Variants in CTSA observed in about 807,000 individuals in gnomAD.
CTSA encodes lysosomal protective protein.
In CTSA, 42 loss-of-function variants were observed where a neutral mutation model predicts 66.7. That is an observed-to-expected ratio of 0.63 (90% CI 0.49 to 0.81). The LOEUF is 0.81. Among genes scored for constraint, CTSA ranks in the 40% least tolerant of loss-of-function variants. The pLI is 0.00. For synonymous variants in CTSA, 225 were observed against 248.6 expected, an observed-to-expected ratio of 0.91 and a Z score of 0.89; for missense variants, 525 against 610.9, an observed-to-expected ratio of 0.86 and a Z score of 1.48.
In CTSA at chr20:45,891,653, G is replaced by T. The variant is rs376350093; in HGVS notation, c.85G>T (p.Ala29Ser). 18 of 1,612,364 alleles carry T rather than the reference G, an allele frequency of 1.1e-5. No individual in the cohort carries two copies. The highest frequency in any genetic ancestry group is 1.4e-5 in the Non-Finnish European group (17 of 1,179,878). ...LVSWASRGEA[A>S]PDQDEIQRLP... ...GTCCTGGGCGTCCCGAGGCGAGGCA[G>T]CCCCCGACCAGGACGAGATCCAGCG... The change falls in exon 2 of 15, where the codon GCC becomes TCC. Residue 29 changes from alanine (A) to serine (S), a missense_variant. Ala to Ser is a moderately conservative substitution (Grantham distance 99). Transcript: ENST00000646241. This position sits in a 1 kb window ranked among gnomAD's most constrained non-coding sequence, Gnocchi z 4.6.
At position 45,895,150 on chromosome 20, in the gene CTSA, A is replaced by G; in HGVS notation, c.1088+17A>G. On this transcript the variant is annotated intron_variant, in intron 11 of 14. Transcript: ENST00000646241. ...CATGTGCAAGTGAGGTTCCGTGGCC[A>G]CCTGTGACTTGGGGTGGTGGGTTGC... 6.2e-7 allele frequency: 1 copy of G among 1,613,976 alleles called. No individual in the cohort carries two copies. The highest frequency in any genetic ancestry group is 1.3e-5 in the African/African-American group (1 of 74,988).
chr20:45,894,801 A>G lies in CTSA; in HGVS notation c.870-22A>G, dbSNP rs879646037. The stretch of plus-strand genomic sequence containing the variant: ...AGCCCCATCTGGAGGCTCCACACCC[A>G]TTCCCCCACCTCACATTGCAGGTAT... On this transcript the variant is annotated intron_variant, in intron 9 of 14. Transcript: ENST00000646241. The G allele has an allele frequency of 6.2e-5, 98 of 1,575,832 alleles. 1 individual carries two copies. Among genetic ancestry groups the G allele is most frequent in the Non-Finnish European group, 8.1e-5 (94 of 1,157,716 alleles).
rs1987132542 is a variant in CTSA at position 45,894,485 on chromosome 20, A to ACTCC, written c.778-164_778-163insTCCC. 3.3e-5 allele frequency among the ~76,000 whole-genome samples: 5 copies of ACTCC among 152,298 alleles called. No homozygotes were observed. The South Asian group carries it at 1.0e-3, about 32-fold the overall frequency. On this transcript the variant is annotated intron_variant, in intron 8 of 14. Coordinates refer to ENST00000646241, the MANE Select transcript of CTSA (RefSeq NM_000308.4). ...GGGAGGCAGTGATGCTAGGATTTGG[A>ACTCC]CCCAGGTCTGGGAAGATTCCTGCCA...
chr20:45,894,591 G>C, intron 8 of CTSA, 59 bp from the exon 9 acceptor site: 1 of 1,443,174 alleles, frequency 6.9e-7, no homozygotes, highest in Non-Finnish European at 9.8e-7. Flanking sequence ...GGACAACTTG[G>C]TGGGGTCGTG....
chr20:45,891,404 G>T lies in CTSA; in HGVS notation c.-1+25G>T. On this transcript the variant is annotated intron_variant, in intron 1 of 14. Transcript: ENST00000646241. The surrounding 1 kb of genome is among the most constrained non-coding windows in gnomAD (Gnocchi z 4.6). ...GGTGAGCTGGCACCGGAGGCTGGAGGGGATCCCCGAGCCCGGGATCGGTGC... is the reference window on the plus strand; with the variant it reads ...GGTGAGCTGGCACCGGAGGCTGGAGTGGATCCCCGAGCCCGGGATCGGTGC... 6.4e-7 allele frequency: 1 copy of T among 1,562,086 alleles called. No individual in the cohort carries two copies. The highest frequency in any genetic ancestry group is 8.7e-7 in the Non-Finnish European group (1 of 1,154,032).
At chr20:45,893,064 C>T in intron 6 of CTSA, 156 bp from the exon 7 acceptor site, 1 of 934,600 alleles carries the variant, frequency 1.1e-6, no homozygotes, top group Non-Finnish European at 1.7e-6. Flanking sequence ...AGGCTGCCAG[C>T]TCTGTGTTTT....
chr20:45,898,458 A>G lies in CTSA; in HGVS notation c.*8A>G. 6.2e-7 allele frequency: 1 copy of G among 1,613,320 alleles called. No individual in the cohort carries two copies. Among genetic ancestry groups the G allele is most frequent in the South Asian group, 1.1e-5 (1 of 91,040 alleles). On this transcript the variant is annotated 3_prime_UTR_variant, in exon 15 of 15. Transcript: ENST00000646241. This position sits in a 1 kb window ranked among gnomAD's most constrained non-coding sequence, Gnocchi z 4.6. ...AACAAGCAGCCATACTGATGACCACAGCAACCAGCTCCACGGCCTGATGCA... is the reference window on the plus strand; with the variant it reads ...AACAAGCAGCCATACTGATGACCACGGCAACCAGCTCCACGGCCTGATGCA...
chr20:45,894,638 G>C lies in CTSA; in HGVS notation c.778-12G>C, dbSNP rs765764906. 6.2e-7 allele frequency: 1 copy of C among 1,612,136 alleles called. No individual in the cohort carries two copies. The highest frequency in any genetic ancestry group is 1.7e-5 in the Admixed American group (1 of 60,012). ...GATCTGTAAAGCATGGTGGCTTGGT[G>C]TATCATTGCAGCTTCAGGAAGTGGC... is the stretch of plus-strand genomic sequence containing the variant. On this transcript the variant is annotated splice_polypyrimidine_tract_variant and intron_variant, in intron 8 of 14. Coordinates refer to ENST00000646241, the MANE Select transcript of CTSA (RefSeq NM_000308.4).
chr20:45,898,425 G>C lies in CTSA; in HGVS notation c.1418G>C (p.Arg473Pro). The change falls in exon 15 of 15, where the codon CGC becomes CCC. Residue 473 changes from arginine (R) to proline (P), a missense_variant. Around this residue, in one of 3 missense-constraint regions of CTSA, gnomAD observed 274 missense variants for 321.1 expected, o/e 0.85. Coordinates refer to ENST00000646241, the MANE Select transcript of CTSA (RefSeq NM_000308.4). This position sits in a 1 kb window ranked among gnomAD's most constrained non-coding sequence, Gnocchi z 4.6. Reference protein sequence around the residue: ...KPLAAFTMFSRFLNKQPY With the variant: ...KPLAAFTMFSPFLNKQPY ...CTCGCTGCCTTCACCATGTTCTCCC[G>C]CTTCCTGAACAAGCAGCCATACTGA... 1.2e-6 allele frequency: 2 copies of C among 1,613,818 alleles called. No individual in the cohort carries two copies. The highest frequency in any genetic ancestry group is 1.7e-5 in the Admixed American group (1 of 59,978).
chr20:45,898,543 C>G lies in CTSA; in HGVS notation c.*93C>G. On this transcript the variant is annotated 3_prime_UTR_variant, in exon 15 of 15. Coordinates refer to ENST00000646241, the MANE Select transcript of CTSA (RefSeq NM_000308.4). The surrounding 1 kb of genome is among the most constrained non-coding windows in gnomAD (Gnocchi z 4.6). ...TTCTAAGCAAAGTGCCCCTGCAGGC[C>G]GGGTTCTGCCGCCAGGACTGCCCCC... 1.6e-6 allele frequency: 2 copies of G among 1,239,508 alleles called. No homozygotes were observed. Among genetic ancestry groups the G allele is most frequent in the Non-Finnish European group, 2.3e-6 (2 of 867,672 alleles). 76.8% of individuals were successfully genotyped at this position (1,239,508 alleles called of 1,614,324 possible).
At position 45,896,758 on chromosome 20, in the gene CTSA, T is replaced by C. The variant is rs2083111450; in HGVS notation, c.1089-207T>C. 4.9e-6 allele frequency: 3 copies of C among 609,464 alleles called. No individual in the cohort carries two copies. In the East Asian group the frequency reaches 8.8e-5, roughly 18 times the overall value. 37.8% of individuals were successfully genotyped at this position (609,464 alleles called of 1,614,324 possible). On this transcript the variant is annotated intron_variant, in intron 11 of 14. Transcript: ENST00000646241. ...AGCATCCCTGTACCTTTCTAAATGG[T>C]GGTGAGTTGAGGCTGTCTGAATCCC...
rs769812697 is a variant in CTSA at position 45,892,794 on chromosome 20, CTT to C, written c.517_518del (p.Phe173ProfsTer39). 6 of 1,614,096 alleles carry C rather than the reference CTT, an allele frequency of 3.7e-6. No individual in the cohort carries two copies. The highest frequency in any genetic ancestry group is 5.1e-6 in the Non-Finnish European group (6 of 1,180,044). On this transcript the variant is annotated frameshift_variant, in exon 6 of 15. Transcript: ENST00000646241. LOFTEE classifies it high-confidence loss of function. Reference protein sequence around the residue: ...RLFPEYKNNKLFLTGESYAGI... With the variant: ...RLFPEYKNNKXFLTGESYAGI... ...CTTTCCGGAGTACAAGAACAACAAA[CTT>C]TTCCTGACCGGGGAGAGCTATGCTG...
Position 45,898,785 on chromosome 20 carries a change from G to T in CTSA, c.*335G>T. On this transcript the variant is annotated 3_prime_UTR_variant, in exon 15 of 15. Coordinates refer to ENST00000646241, the MANE Select transcript of CTSA (RefSeq NM_000308.4). The surrounding 1 kb of genome is among the most constrained non-coding windows in gnomAD (Gnocchi z 4.6). ...GGTGGTGGACGGACTGTAATTGATA[G>T]ATTGATTATGGAATTAAATTGGGTA... is the stretch of plus-strand genomic sequence containing the variant. 1.1e-6 allele frequency: 1 copy of T among 885,804 alleles called. No individual in the cohort carries two copies. Among genetic ancestry groups the T allele is most frequent in the Non-Finnish European group, 1.7e-6 (1 of 586,058 alleles). 54.9% of individuals were successfully genotyped at this position (885,804 alleles called of 1,614,324 possible).
chr20:45,891,697 G>A lies in CTSA; in HGVS notation c.129G>A (p.Lys43=). 1 of 1,613,316 alleles carries A rather than the reference G, an allele frequency of 6.2e-7. No homozygotes were observed. Among genetic ancestry groups the A allele is most frequent in the Non-Finnish European group, 8.5e-7 (1 of 1,180,024 alleles). Residue 43 remains lysine, a synonymous_variant, in exon 2 of 15, where the codon AAG becomes AAA. Coordinates refer to ENST00000646241, the MANE Select transcript of CTSA (RefSeq NM_000308.4). This position sits in a 1 kb window ranked among gnomAD's most constrained non-coding sequence, Gnocchi z 4.6. The part of the protein sequence containing the change: ...DEIQRLPGLA[K]QPSFRQYSGY... ...TCCAGCGCCTCCCCGGGCTGGCCAAGCAGCCGTCTTTCCGCCAGTACTCCG... is the reference window on the plus strand; with the variant it reads ...TCCAGCGCCTCCCCGGGCTGGCCAAACAGCCGTCTTTCCGCCAGTACTCCG...
rs1003422166 is a variant in CTSA, at chr20:45,894,266, A to ACCT, written c.777+197_777+199dup. ...ACCTCCTATGGTGGCAAATCCCATAACCTCCGTGAGGAGAAAGGACTTCTT... is the reference window on the plus strand; with the variant it reads ...ACCTCCTATGGTGGCAAATCCCATAACCTCCTCCGTGAGGAGAAAGGACTTCTT... On this transcript the variant is annotated intron_variant, in intron 8 of 14. Coordinates refer to ENST00000646241, the MANE Select transcript of CTSA (RefSeq NM_000308.4). 21 of 659,930 alleles carry ACCT rather than the reference A, an allele frequency of 3.2e-5. No individual in the cohort carries two copies. The African/African-American group carries it at 3.8e-4, about 12-fold the overall frequency. The allele number at this position is 659,930 out of a possible 1,614,324, so 40.9% of individuals were successfully genotyped here.
In CTSA at chr20:45,891,653, G is replaced by GC; in HGVS notation, c.90dup (p.Asp31ArgfsTer109). On this transcript the variant is annotated frameshift_variant, in exon 2 of 15. Coordinates refer to ENST00000646241, the MANE Select transcript of CTSA (RefSeq NM_000308.4). LOFTEE classifies it high-confidence loss of function. This position sits in a 1 kb window ranked among gnomAD's most constrained non-coding sequence, Gnocchi z 4.6. ...GTCCTGGGCGTCCCGAGGCGAGGCA[G>GC]CCCCCGACCAGGACGAGATCCAGCG... 1 of 1,612,364 alleles carries GC rather than the reference G, an allele frequency of 6.2e-7. No individual in the cohort carries two copies. Among genetic ancestry groups the GC allele is most frequent in the Non-Finnish European group, 8.5e-7 (1 of 1,179,878 alleles).
In CTSA at chr20:45,894,847, C is replaced by A. The variant is rs1216980372; in HGVS notation, c.894C>A (p.Val298=). 1.2e-6 allele frequency: 2 copies of A among 1,613,970 alleles called. No homozygotes were observed. The highest frequency in any genetic ancestry group is 1.7e-6 in the Non-Finnish European group (2 of 1,180,026). Residue 298 remains valine, a synonymous_variant, in exon 10 of 15, where the codon GTC becomes GTA. Coordinates refer to ENST00000646241, the MANE Select transcript of CTSA (RefSeq NM_000308.4). ...HFRYEKDTVV[V]QDLGNIFTRL... ...GGTATGAGAAGGACACTGTTGTGGT[C>A]CAGGATTTGGGCAACATCTTCACTC... is the stretch of plus-strand genomic sequence containing the variant.
At position 45,895,004 on chromosome 20, in the gene CTSA, G is replaced by A. The variant is rs199916179; in HGVS notation, c.959G>A (p.Arg320His). The change falls in exon 11 of 15, where the codon CGC (arginine) becomes CAC (histidine). Residue 320 changes from arginine (R) to histidine (H), a missense_variant. This residue lies in a region of CTSA where 274 missense variants were observed against 321.1 expected (regional missense o/e 0.85). Transcript: ENST00000646241. ...LKRMWHQALL[R>H]SGDKVRMDPP... is the part of the protein sequence containing the mutation. ...GTCTGTGCCTTCCAGGCACTGCTGC[G>A]CTCAGGGGATAAAGTGCGCATGGAC... 14 of 1,614,136 alleles carry A rather than the reference G, an allele frequency of 8.7e-6. No individual in the cohort carries two copies. Among genetic ancestry groups the A allele is most frequent in the East Asian group, 2.2e-5 (1 of 44,870 alleles).
At position 45,898,463 on chromosome 20, in the gene CTSA, C is replaced by G. The variant is rs1322193798; in HGVS notation, c.*13C>G. 1.2e-6 allele frequency: 2 copies of G among 1,612,786 alleles called. No individual in the cohort carries two copies. The highest frequency in any genetic ancestry group is 1.7e-6 in the Non-Finnish European group (2 of 1,179,076). ...GCAGCCATACTGATGACCACAGCAA[C>G]CAGCTCCACGGCCTGATGCAGCCCC... On this transcript the variant is annotated 3_prime_UTR_variant, in exon 15 of 15. Coordinates refer to ENST00000646241, the MANE Select transcript of CTSA (RefSeq NM_000308.4). The surrounding 1 kb of genome is among the most constrained non-coding windows in gnomAD (Gnocchi z 4.6).
Sources: gnomAD v4.1 joint callset for allele counts (sites outside exome capture counted in the v4.1 genomes callset) on GRCh38, gnomAD v4.1.1 for gene constraint, gnomAD v4.1.1 regional missense constraint, Gnocchi (gnomAD v3.1) non-coding constraint, MANE v1.5 for transcripts, NCBI Gene and HGNC (gene_info 2026-07-23, HGNC 2026-07-21) for gene names.